NMT2: variants seen among roughly 807,000 people sequenced by gnomAD.
NMT2 encodes glycylpeptide N-tetradecanoyltransferase 2.
NMT2 carries 35 observed loss-of-function variants against 65.4 expected under a neutral mutation model. That is an observed-to-expected ratio of 0.54 (90% confidence interval 0.41 to 0.71). NMT2 has a LOEUF of 0.71. Among genes scored for constraint, NMT2 ranks in the 30% least tolerant of loss-of-function variants. The pLI, the probability that NMT2 is intolerant of heterozygous loss-of-function variation, is 0.00. For missense variants in NMT2, 489 were observed against 611.3 expected (o/e 0.80, Z 2.11); for synonymous variants, 226 against 231.8 (o/e 0.98, Z 0.23).
At chr10:15,168,375 A>G in intron 1 of NMT2, 128 bp downstream of exon 1, 1 of 503,192 alleles carries the variant, frequency 2.0e-6, no homozygotes. Flanking sequence ...GCTCCGCGCC[A>G]CGGAGAAGCC....
At chr10:15,147,608 A>T (rs1001828347) in intron 1 of NMT2, among the ~76,000 whole-genome samples, 4 of 152,198 alleles carry the variant, frequency 2.6e-5, no homozygotes, top group African/African-American at 9.7e-5. Flanking sequence ...CAGAAATATA[A>T]AATTAGTTTG....
chr10:15,150,049 G>A (rs960180436), intron 1 of NMT2, among the ~76,000 whole-genome samples: 1 of 152,090 alleles, frequency 6.6e-6, no homozygotes, highest in Admixed American at 6.5e-5. Context: ...TGTTCTGGTT[G>A]GAATCCCAAA....
intron 1 of NMT2, among the ~76,000 whole-genome samples, chr10:15,167,230 C>G (rs1453753488): frequency 2.0e-5 from 3 of 152,120 alleles, no homozygotes; most frequent in Non-Finnish European, 2.9e-5. Flanking sequence ...GCAGCCGCCA[C>G]TGAAGTATTC....
At chr10:15,143,908 T>C (rs960308110) in intron 1 of NMT2, among the ~76,000 whole-genome samples, 1 of 152,084 alleles carries the variant, frequency 6.6e-6, no homozygotes, top group African/African-American at 2.4e-5. Flanking sequence ...CTAAAACAGA[T>C]AAACTCATGG....
chr10:15,137,403 T>C (rs1846550864), intron 2 of NMT2, among the ~76,000 whole-genome samples: 3 of 152,148 alleles, frequency 2.0e-5, no homozygotes, highest in Admixed American at 1.3e-4. Flanking sequence ...TAATGACACA[T>C]ACAAATTTAA....
At position 15,141,499 on chromosome 10, in the gene NMT2, C is replaced by T. The variant is rs1846763082; in HGVS notation, c.169G>A (p.Glu57Lys). The T allele has an allele frequency of 6.2e-7, 1 of 1,614,104 alleles. No individual in the cohort carries two copies. The highest frequency in any genetic ancestry group is 1.3e-5 in the African/African-American group (1 of 74,950). ...KKKKKQKRKK[E>K]KPNSGGTKSD... ...TTGGTGCCTCCGGAATTTGGTTTCT[C>T]CTTTTTTCTCTTCTGTTTCTTCTTT... is the stretch of plus-strand genomic sequence containing the variant. The change falls in exon 2 of 12, where the codon GAG becomes AAG. Residue 57 changes from glutamate (E) to lysine (K), a missense_variant. Physicochemically the swap from Glu to Lys is moderately conservative, Grantham distance 56. Transcript: ENST00000378165.
intron 1 of NMT2, among the ~76,000 whole-genome samples, chr10:15,160,015 G>C (rs1833135674): frequency 6.6e-6 from 1 of 152,196 alleles, no homozygotes; most frequent in Admixed American, 6.5e-5. Context: ...ATGAAAGAAA[G>C]GACATTTGGG....
chr10:15,156,988 A>C, intron 1 of NMT2, among the ~76,000 whole-genome samples: 1 of 152,176 alleles, frequency 6.6e-6, no homozygotes, highest in East Asian at 1.9e-4. Context: ...TTCTTTCTTC[A>C]GTTTTCTTAA....
rs750664099 is a variant in NMT2, at chr10:15,119,333, T to C, written c.1170+10A>G. 6.2e-7 allele frequency: 1 copy of C among 1,613,256 alleles called. No individual in the cohort carries two copies. Among genetic ancestry groups the C allele is most frequent in the Non-Finnish European group, 8.5e-7 (1 of 1,179,498 alleles). ...AAGGAGAAGCTTTATGTTTATCACCTTGTCTTTACCTCCACTACAAACGTG... is the reference window on the plus strand; with the variant it reads ...AAGGAGAAGCTTTATGTTTATCACCCTGTCTTTACCTCCACTACAAACGTG... On this transcript the variant is annotated intron_variant, in intron 9 of 11. Coordinates refer to ENST00000378165, the MANE Select transcript of NMT2 (RefSeq NM_004808.3).
intron 1 of NMT2, among the ~76,000 whole-genome samples, chr10:15,142,006 CT>C: frequency 6.6e-6 from 1 of 152,204 alleles, no homozygotes; most frequent in African/African-American, 2.4e-5. Context: ...GAAATGTTCC[CT>C]GATAAAGATT....
intron 8 of NMT2, among the ~76,000 whole-genome samples, chr10:15,127,598 A>C: frequency 6.8e-6 from 1 of 147,542 alleles, no homozygotes; most frequent in South Asian, 2.1e-4. Context: ...AAATAAATAA[A>C]ATAAAATAAA....
At chr10:15,156,002 T>C (rs893970742) in intron 1 of NMT2, among the ~76,000 whole-genome samples, 3 of 152,208 alleles carry the variant, frequency 2.0e-5, no homozygotes, top group Non-Finnish European at 4.4e-5. Flanking sequence ...TGGAAGGGCA[T>C]GAAATTTAGA....
rs1011044137 is a variant in NMT2 at position 15,107,155 on chromosome 10, T to C, written c.*2040A>G. On this transcript the variant is annotated 3_prime_UTR_variant, in exon 12 of 12. Transcript: ENST00000378165. The stretch of plus-strand genomic sequence containing the variant: ...ATGGCTATGTTCCAATAAAACCTTA[T>C]TGAGGGACACCGGAATTTGAATTTT... Among the ~76,000 whole-genome samples the C allele has an allele frequency of 6.6e-6, 1 of 151,974 alleles. No individual in the cohort carries two copies. The highest frequency in any genetic ancestry group is 1.9e-4 in the East Asian group (1 of 5,194).
At position 15,113,058 on chromosome 10, in the gene NMT2, G is replaced by A. The variant is rs150147650; in HGVS notation, c.1171-95C>T. The A allele has an allele frequency of 4.5e-5, 58 of 1,275,704 alleles. No homozygotes were observed. In the African/African-American group the frequency reaches 4.8e-4, roughly 10 times the overall value. 79.0% of individuals were successfully genotyped at this position (1,275,704 alleles called of 1,614,324 possible). On this transcript the variant is annotated intron_variant, in intron 9 of 11. Coordinates refer to ENST00000378165, the MANE Select transcript of NMT2 (RefSeq NM_004808.3). ...TGTTCTCTCCCTTGCCCCAGAGAAC[G>A]AAAAGCAGTAAGTCACACTTCTTTC...
At chr10:15,123,205 G>T (rs1291266089) in intron 8 of NMT2, among the ~76,000 whole-genome samples, 3 of 151,978 alleles carry the variant, frequency 2.0e-5, no homozygotes, top group Non-Finnish European at 4.4e-5. Context: ...TAGAAAACAG[G>T]GTAAGAATAT....
Position 15,112,865 on chromosome 10 carries a change from T to C in NMT2, c.1269A>G (p.Ser423=). ...GCGTCTCTGTGTGGATGTTGTAGAA[T>C]GAGTAGGCGGCTTTGAGGCTCTTGT... ...PAHKSLKAAY[S]FYNIHTETPL... Residue 423 remains serine, a synonymous_variant, in exon 10 of 12, where the codon TCA becomes TCG. Transcript: ENST00000378165. 3 of 1,614,104 alleles carry C rather than the reference T, an allele frequency of 1.9e-6. No homozygotes were observed. Among genetic ancestry groups the C allele is most frequent in the Non-Finnish European group, 2.5e-6 (3 of 1,180,012 alleles).
At chr10:15,119,877 A>G (rs1232557626) in intron 8 of NMT2, among the ~76,000 whole-genome samples, 1 of 152,162 alleles carries the variant, frequency 6.6e-6, no homozygotes, top group African/African-American at 2.4e-5. Context: ...AAACACACCA[A>G]TGTATATACC....
At chr10:15,159,962 G>A (rs956845120) in intron 1 of NMT2, among the ~76,000 whole-genome samples, 1 of 152,156 alleles carries the variant, frequency 6.6e-6, no homozygotes, top group Non-Finnish European at 1.5e-5. Flanking sequence ...AGGGCTTCCG[G>A]CAGGGGTCAG....
chr10:15,144,525 A>C (rs771492818), intron 1 of NMT2, among the ~76,000 whole-genome samples: 3 of 152,146 alleles, frequency 2.0e-5, no homozygotes, highest in African/African-American at 7.2e-5. Flanking sequence ...AGATCAGGAG[A>C]TCGAGACCAT....
Sources: gnomAD v4.1 joint callset for allele counts (sites outside exome capture counted in the v4.1 genomes callset) on GRCh38, gnomAD v4.1.1 for gene constraint, MANE v1.5 for transcripts, NCBI Gene and HGNC (gene_info 2026-07-23, HGNC 2026-07-21) for gene names.